ADAM12: variants seen among roughly 807,000 people sequenced by gnomAD.
The protein encoded by ADAM12 is disintegrin and metalloproteinase domain-containing protein 12.
In ADAM12, 70 loss-of-function variants were observed where a neutral mutation model predicts 106.4. The ratio of observed to expected loss-of-function variants is 0.66; its 90% CI spans 0.54 to 0.80. The LOEUF is 0.80. ADAM12 is among the 30% of genes least tolerant of loss of function. The probability of loss-of-function intolerance (pLI) is 0.00; values close to 1 mark genes in which losing one functional copy is unlikely to be tolerated. For synonymous variants in ADAM12, 420 were observed against 433.5 expected (o/e 0.97, Z 0.39); for missense variants, 1,010 against 1,171.9 (o/e 0.86, Z 2.02).
chr10:126,019,997 A>G (rs1055735288), intron 21 of ADAM12, among the ~76,000 whole-genome samples, 172 bp from the exon 22 acceptor site: 2 of 152,096 alleles, frequency 1.3e-5, no homozygotes, highest in Non-Finnish European at 2.9e-5. Flanking sequence ...TTTCTGTAAC[A>G]TTTAAGACTT....
At chr10:126,179,276 C>T (rs562174610) in intron 3 of ADAM12, among the ~76,000 whole-genome samples, 92 of 152,246 alleles carry the variant, frequency 6.0e-4, no homozygotes, top group African/African-American at 1.9e-3. Context: ...GCATTAGAGC[C>T]GCTGCAGGTA....
chr10:126,083,576 C>G (rs2133535389), intron 11 of ADAM12, among the ~76,000 whole-genome samples: 1 of 152,326 alleles, frequency 6.6e-6, no homozygotes, highest in Middle Eastern at 3.4e-3. Flanking sequence ...TAGAGGACTT[C>G]CCTAAAGGTC....
chr10:126,339,915 C>A (rs1193686073), intron 1 of ADAM12, among the ~76,000 whole-genome samples: 1 of 136,696 alleles, frequency 7.3e-6, no homozygotes, highest in Admixed American at 8.4e-5. Flanking sequence ...AGTGCAGTGG[C>A]CTGATCTCAG....
At chr10:126,102,817 A>G (rs1955692218) in intron 8 of ADAM12, among the ~76,000 whole-genome samples, 1 of 152,226 alleles carries the variant, frequency 6.6e-6, no homozygotes, top group African/African-American at 2.4e-5. Flanking sequence ...TCCGGGGCGA[A>G]AGTAAGTTCC....
chr10:126,264,996 A>G (rs1046497098), intron 3 of ADAM12, among the ~76,000 whole-genome samples: 4 of 152,176 alleles, frequency 2.6e-5, no homozygotes, highest in Non-Finnish European at 4.4e-5. Flanking sequence ...GATTTGTGTA[A>G]TATCTATATG....
intron 20 of ADAM12, among the ~76,000 whole-genome samples, chr10:126,036,561 TTTG>T (rs1349232991): frequency 2.0e-5 from 3 of 152,250 alleles, no homozygotes; most frequent in African/African-American, 7.2e-5. Flanking sequence ...AGGATCGATT[TTTG>T]TTTAGATTTT....
At chr10:126,111,531 T>C (rs978626900) in intron 6 of ADAM12, among the ~76,000 whole-genome samples, 1 of 152,140 alleles carries the variant, frequency 6.6e-6, no homozygotes, top group Non-Finnish European at 1.5e-5. Flanking sequence ...GAAAAACTAA[T>C]CTCTCATTGA....
intron 3 of ADAM12, among the ~76,000 whole-genome samples, chr10:126,235,647 G>T (rs1231526205): frequency 1.3e-5 from 2 of 152,200 alleles, no homozygotes; most frequent in Non-Finnish European, 1.5e-5. Context: ...CCACCAGGAT[G>T]CGTGTCTCCT....
intron 1 of ADAM12, among the ~76,000 whole-genome samples, chr10:126,349,619 C>T (rs144352270): frequency 6.6e-6 from 1 of 152,262 alleles, no homozygotes; most frequent in African/African-American, 2.4e-5. Flanking sequence ...ATAAAATAAA[C>T]ATTTGCATAA....
At chr10:126,371,153 A>T (rs1856102830) in intron 1 of ADAM12, among the ~76,000 whole-genome samples, 1 of 152,224 alleles carries the variant, frequency 6.6e-6, no homozygotes, top group African/African-American at 2.4e-5. Flanking sequence ...TGGAAGAAAG[A>T]GTGGTCATAG....
At chr10:126,144,286 T>C (rs1292562740) in intron 4 of ADAM12, among the ~76,000 whole-genome samples, 2 of 152,248 alleles carry the variant, frequency 1.3e-5, no homozygotes, top group Non-Finnish European at 2.9e-5. Flanking sequence ...TTAATCTGTA[T>C]AATGGGACGG....
intron 2 of ADAM12, among the ~76,000 whole-genome samples, chr10:126,321,609 G>A (rs1854096277): frequency 6.6e-6 from 1 of 152,106 alleles, no homozygotes; most frequent in South Asian, 2.1e-4. Flanking sequence ...GACCCTGGCA[G>A]GGAGTTGGGA....
chr10:126,038,736 C>T (rs550440362), intron 19 of ADAM12, among the ~76,000 whole-genome samples: 35 of 152,238 alleles, frequency 2.3e-4, no homozygotes, highest in African/African-American at 8.2e-4. Flanking sequence ...GGAGAAAACA[C>T]ATCAGTGGAA....
chr10:126,140,449 G>T (rs1956488930), intron 4 of ADAM12, among the ~76,000 whole-genome samples: 1 of 152,180 alleles, frequency 6.6e-6, no homozygotes, highest in Non-Finnish European at 1.5e-5. Context: ...CTCACTTGAA[G>T]TATTGCTTAT....
At chr10:126,303,655 G>C (rs749364849) in intron 2 of ADAM12, among the ~76,000 whole-genome samples, 2 of 152,198 alleles carry the variant, frequency 1.3e-5, no homozygotes, top group African/African-American at 2.4e-5. Flanking sequence ...TCACAGGACA[G>C]GGAAATAAGC....
At chr10:126,203,687 C>G (rs1462683334) in intron 3 of ADAM12, among the ~76,000 whole-genome samples, 1 of 152,166 alleles carries the variant, frequency 6.6e-6, no homozygotes, top group Non-Finnish European at 1.5e-5. Flanking sequence ...GATCAAATAT[C>G]TTTTGAGGTA....
chr10:126,148,945 G>A (rs1473466518), intron 4 of ADAM12, among the ~76,000 whole-genome samples: 1 of 152,154 alleles, frequency 6.6e-6, no homozygotes, highest in Non-Finnish European at 1.5e-5. Context: ...GAGGGAGGGA[G>A]GGGCAAGTCT....
chr10:126,051,592 G>T (rs369367996), intron 14 of ADAM12, among the ~76,000 whole-genome samples: 2,207 of 104,876 alleles, frequency 0.021, 18 homozygotes, highest in Non-Finnish European at 0.026. Context: ...CATCCATCCA[G>T]CCAGCCAGCC....
At chr10:126,230,987 A>C (rs913577621) in intron 3 of ADAM12, among the ~76,000 whole-genome samples, 1 of 152,214 alleles carries the variant, frequency 6.6e-6, no homozygotes, top group Non-Finnish European at 1.5e-5. Context: ...GTGCTTTAGA[A>C]GGTTATAAGT....
Sources: allele counts gnomAD v4.1 joint callset (sites outside exome capture counted in the v4.1 genomes callset), GRCh38; gene constraint gnomAD v4.1.1; transcripts MANE v1.5; gene names NCBI Gene and HGNC (gene_info 2026-07-23, HGNC 2026-07-21).